IGF1R: variants seen among roughly 807,000 people sequenced by gnomAD.
The protein encoded by IGF1R is insulin like growth factor 1 receptor, also known as insulin-like growth factor 1 receptor.
IGF1R carries 44 observed loss-of-function variants against 144.6 expected under a neutral mutation model. The observed-to-expected ratio is 0.30, with a 90% CI of 0.24 to 0.39. The LOEUF is 0.39. Ranked by LOEUF, IGF1R falls within the 10% of genes least tolerant of loss-of-function variation. IGF1R has a pLI of 1.00. For synonymous variants in IGF1R, 795 were observed against 722.8 expected, an observed-to-expected ratio of 1.10 and a Z score of -1.60; for missense variants, 1,355 against 1,833.7, an observed-to-expected ratio of 0.74 and a Z score of 4.77.
intron 2 of IGF1R, among the ~76,000 whole-genome samples, chr15:98,804,752 C>T (rs1336587890): frequency 6.6e-6 from 1 of 152,198 alleles, no homozygotes; most frequent in African/African-American, 2.4e-5. Context: ...CGCTGGAGTG[C>T]AATTGTGCAA....
At chr15:98,822,210 C>A (rs115991104) in intron 2 of IGF1R, among the ~76,000 whole-genome samples, 171 of 152,272 alleles carry the variant, frequency 1.1e-3, no homozygotes, top group African/African-American at 3.8e-3. Flanking sequence ...CACTGAGATA[C>A]AACCTTCCTA....
chr15:98,849,806 A>T (rs557673680), intron 2 of IGF1R, among the ~76,000 whole-genome samples: 1 of 152,358 alleles, frequency 6.6e-6, no homozygotes, highest in Non-Finnish European at 1.5e-5. Context: ...AAGCATAGAA[A>T]AAAAGTTTGA....
intron 1 of IGF1R, among the ~76,000 whole-genome samples, chr15:98,668,231 A>AT (rs1392165198): frequency 6.6e-6 from 1 of 152,074 alleles, no homozygotes; most frequent in African/African-American, 2.4e-5. Context: ...TCTAAACCTG[A>AT]TTACCTCCCT....
At chr15:98,727,464 G>A (rs1201360133) in intron 2 of IGF1R, among the ~76,000 whole-genome samples, 2 of 152,096 alleles carry the variant, frequency 1.3e-5, no homozygotes, top group Admixed American at 6.5e-5. Flanking sequence ...GCAAACAACC[G>A]ACTTTTACTG....
At chr15:98,909,119 G>T (rs1345182151) in intron 6 of IGF1R, among the ~76,000 whole-genome samples, 2 of 152,214 alleles carry the variant, frequency 1.3e-5, no homozygotes, top group South Asian at 2.1e-4. Context: ...GTACATCTCT[G>T]TGAGTGTGTG....
At chr15:98,652,082 G>A (rs928876982) in intron 1 of IGF1R, among the ~76,000 whole-genome samples, 2 of 152,176 alleles carry the variant, frequency 1.3e-5, no homozygotes, top group Non-Finnish European at 2.9e-5. Context: ...AGAGATTAGA[G>A]TTTCCTCTTT....
intron 2 of IGF1R, among the ~76,000 whole-genome samples, chr15:98,816,023 G>A (rs996416528): frequency 5.3e-5 from 8 of 152,200 alleles, no homozygotes; most frequent in Non-Finnish European, 7.3e-5. Flanking sequence ...CAAGCTGTGG[G>A]GAGGTCCCTT....
At chr15:98,777,618 T>G (rs1192177709) in intron 2 of IGF1R, among the ~76,000 whole-genome samples, 1 of 152,178 alleles carries the variant, frequency 6.6e-6, no homozygotes, top group Non-Finnish European at 1.5e-5. Flanking sequence ...ATGACCCCTG[T>G]GGGGGCTGTC....
chr15:98,921,000 G>A (rs890489116), intron 10 of IGF1R, among the ~76,000 whole-genome samples: 29 of 152,292 alleles, frequency 1.9e-4, no homozygotes, highest in Non-Finnish European at 2.4e-4. Context: ...CCTCTCTGCT[G>A]CTGCTGCCGC....
intron 5 of IGF1R, among the ~76,000 whole-genome samples, chr15:98,903,664 G>A (rs932199036): frequency 1.3e-5 from 2 of 152,208 alleles, no homozygotes; most frequent in African/African-American, 2.4e-5. Context: ...AAACCATTCA[G>A]ATGTTCATCA....
At chr15:98,731,991 G>A (rs933206522) in intron 2 of IGF1R, among the ~76,000 whole-genome samples, 5 of 152,224 alleles carry the variant, frequency 3.3e-5, no homozygotes, top group Non-Finnish European at 7.3e-5. Context: ...AGCTCTGGGT[G>A]TTGGGCGTGC....
At chr15:98,884,430 C>G (rs2013535832) in intron 2 of IGF1R, among the ~76,000 whole-genome samples, 1 of 152,190 alleles carries the variant, frequency 6.6e-6, no homozygotes, top group African/African-American at 2.4e-5. Flanking sequence ...CCTGGTGGCT[C>G]ACACCTGTAA....
intron 2 of IGF1R, among the ~76,000 whole-genome samples, chr15:98,846,419 A>G (rs977711579): frequency 2.6e-5 from 4 of 152,242 alleles, no homozygotes; most frequent in African/African-American, 9.6e-5. Context: ...TTTAGGAGCA[A>G]TATAGGCAAG....
Position 98,899,465 on chromosome 15 carries a change from C to G in IGF1R, c.1103-12C>G, listed in dbSNP as rs750880992. ...AGTGAGCACACAGTGACACAATCCC[C>G]TTTCAATGTAGATAACATTGCTTCA... is the stretch of plus-strand genomic sequence containing the variant. On this transcript the variant is annotated splice_polypyrimidine_tract_variant and intron_variant, in intron 4 of 20. Coordinates refer to ENST00000650285, the MANE Select transcript of IGF1R (RefSeq NM_000875.5). 4 of 1,613,612 alleles carry G rather than the reference C, an allele frequency of 2.5e-6. No individual in the cohort carries two copies. The highest frequency in any genetic ancestry group is 3.4e-6 in the Non-Finnish European group (4 of 1,179,550).
Position 98,913,074 on chromosome 15 carries a change from G to A in IGF1R, c.1620G>A (p.Gly540=). Reference sequence around the variant, plus strand: ...TTAAGAATGTCACAGAGTATGATGGGCAGGATGCCTGCGGCTCCAACAGCT... The same window carrying A: ...TTAAGAATGTCACAGAGTATGATGGACAGGATGCCTGCGGCTCCAACAGCT... The part of the protein sequence containing the change: ...APFKNVTEYD[G]QDACGSNSWN... The change falls in exon 8 of 21, where the codon GGG becomes GGA. Residue 540 remains glycine (G), a synonymous_variant. Coordinates refer to ENST00000650285, the MANE Select transcript of IGF1R (RefSeq NM_000875.5). 6.2e-7 allele frequency: 1 copy of A among 1,614,088 alleles called. No individual in the cohort carries two copies.
At chr15:98,813,090 A>G (rs558353215) in intron 2 of IGF1R, among the ~76,000 whole-genome samples, 1 of 152,192 alleles carries the variant, frequency 6.6e-6, no homozygotes, top group East Asian at 1.9e-4. Context: ...GTTTTGATCT[A>G]ACTGACTTAT....
chr15:98,655,975 G>A lies in IGF1R; in HGVS notation c.94+6300G>A, dbSNP rs543572432. On this transcript the variant is annotated intron_variant, in intron 1 of 20. Coordinates refer to ENST00000650285, the MANE Select transcript of IGF1R (RefSeq NM_000875.5). Reference sequence around the variant, plus strand: ...CCCGGAGGGCTGGGATCACAGGTGCGAGCCACCGCCCCCAGCCTACAAGAA... The same window carrying A: ...CCCGGAGGGCTGGGATCACAGGTGCAAGCCACCGCCCCCAGCCTACAAGAA... Among the ~76,000 whole-genome samples the A allele has an allele frequency of 2.7e-3, 404 of 151,238 alleles. 3 individuals are homozygous for A. Among genetic ancestry groups the A allele is most frequent in the African/African-American group, 9.1e-3 (370 of 40,566 alleles).
chr15:98,682,210 A>G (rs561092283), intron 1 of IGF1R, among the ~76,000 whole-genome samples: 17 of 152,302 alleles, frequency 1.1e-4, no homozygotes, highest in Middle Eastern at 3.4e-3. Context: ...CCTAAATCAT[A>G]TTAGGACTCT....
At chr15:98,920,441 G>C (rs1194667559) in intron 10 of IGF1R, among the ~76,000 whole-genome samples, 1 of 152,166 alleles carries the variant, frequency 6.6e-6, no homozygotes, top group Non-Finnish European at 1.5e-5. Flanking sequence ...GCCGGGAGAG[G>C]GGTTTTGACA....
Sources: gnomAD v4.1 joint callset for allele counts (sites outside exome capture counted in the v4.1 genomes callset) on GRCh38, gnomAD v4.1.1 for gene constraint, MANE v1.5 for transcripts, NCBI Gene and HGNC (gene_info 2026-07-23, HGNC 2026-07-21) for gene names.